Variants in RSRC1 observed in about 807,000 individuals in gnomAD.
RSRC1 encodes the protein serine/Arginine-related protein 53.
Under a neutral mutation model 49.1 loss-of-function variants are expected in RSRC1, and 39 were observed. The observed-to-expected ratio is 0.79, with a 90% CI of 0.61 to 1.04. The LOEUF is 1.04. Among genes scored for constraint, RSRC1 ranks in the 50% least tolerant of loss-of-function variants. The pLI is 0.00. For missense variants in RSRC1, 388 were observed against 402.4 expected, an observed-to-expected ratio of 0.96 and a Z score of 0.31; for synonymous variants, 143 against 130.8, an observed-to-expected ratio of 1.09 and a Z score of -0.63.
intron 4 of RSRC1, among the ~76,000 whole-genome samples, chr3:158,263,573 T>C (rs1725011221): frequency 6.6e-6 from 1 of 152,160 alleles, no homozygotes; most frequent in Non-Finnish European, 1.5e-5. Context: ...TTCAGTTTTT[T>C]GGAAGAGTGT....
chr3:158,302,975 T>G (rs984304972), intron 5 of RSRC1: 6 of 152,156 alleles, frequency 3.9e-5, no homozygotes, highest in African/African-American at 1.2e-4. Context: ...ACTCCATGTT[T>G]TTTCTTCCAT....
At position 158,316,438 on chromosome 3, in the gene RSRC1, A is replaced by ATTTTTTTTTTTTTTTTT. The variant is rs564633575; in HGVS notation, c.531+18373_531+18389dup. ...TAATCAGTCCACTGCAGAATCTCTC[A>ATTTTTTTTTTTTTTTTT]TTTTTTTTTTTTTTTTTTTTTTTTT... On this transcript the variant is annotated intron_variant, in intron 5 of 9. Transcript: ENST00000611884. 1.5e-3 allele frequency among the ~76,000 whole-genome samples: 109 copies of ATTTTTTTTTTTTTTTTT among 72,236 alleles called. 10 individuals carry two copies. Among genetic ancestry groups the ATTTTTTTTTTTTTTTTT allele is most frequent in the Non-Finnish European group, 1.8e-3 (75 of 42,350 alleles). 47.4% of individuals were successfully genotyped at this position (72,236 alleles called of 152,430 possible). A position where few individuals can be genotyped will look rare whatever the true frequency, so the allele number is the denominator to read the frequency against.
chr3:158,462,362 G>A (rs1352073486), intron 7 of RSRC1, among the ~76,000 whole-genome samples: 1 of 151,850 alleles, frequency 6.6e-6, no homozygotes, highest in Non-Finnish European at 1.5e-5. Flanking sequence ...ATGTTGTGTG[G>A]CATTCTGATC....
intron 6 of RSRC1, among the ~76,000 whole-genome samples, chr3:158,427,733 T>C (rs1735532636): frequency 6.6e-6 from 1 of 151,734 alleles, no homozygotes; most frequent in African/African-American, 2.4e-5. Flanking sequence ...TTATTCTGCT[T>C]TTTTGCATCT....
intron 5 of RSRC1, among the ~76,000 whole-genome samples, chr3:158,312,126 C>A (rs557801496): frequency 6.6e-6 from 1 of 150,642 alleles, no homozygotes; most frequent in Non-Finnish European, 1.5e-5. Context: ...AAAGCTGACA[C>A]GAGCAGAGAG....
At chr3:158,386,290 A>C (rs1048102910) in intron 6 of RSRC1, among the ~76,000 whole-genome samples, 7 of 152,128 alleles carry the variant, frequency 4.6e-5, no homozygotes, top group African/African-American at 1.7e-4. Flanking sequence ...ATTTATTAAG[A>C]AATTTAAATA....
intron 5 of RSRC1, among the ~76,000 whole-genome samples, chr3:158,298,276 CT>C (rs760704594): frequency 4.0e-5 from 6 of 151,518 alleles, no homozygotes; most frequent in Non-Finnish European, 5.9e-5. Context: ...TTTTAAATTA[CT>C]TTTTTTTGAT....
chr3:158,202,843 T>G (rs1721134854), intron 3 of RSRC1, among the ~76,000 whole-genome samples: 1 of 151,938 alleles, frequency 6.6e-6, no homozygotes. Flanking sequence ...GGCAAACACT[T>G]TTTAACTGCA....
intron 6 of RSRC1, among the ~76,000 whole-genome samples, chr3:158,388,110 G>GC (rs1473762414): frequency 6.6e-6 from 1 of 151,818 alleles, no homozygotes; most frequent in Non-Finnish European, 1.5e-5. Context: ...GTTGATCTTT[G>GC]TAAGACATTG....
chr3:158,398,735 C>T (rs924551215), intron 6 of RSRC1, among the ~76,000 whole-genome samples: 10 of 152,160 alleles, frequency 6.6e-5, no homozygotes, highest in East Asian at 1.9e-4. Context: ...ATTGTTACTA[C>T]GACCTAATTA....
Position 158,232,332 on chromosome 3 carries a change from C to T in RSRC1, c.494+29087C>T, listed in dbSNP as rs138233050. Among the ~76,000 whole-genome samples, 170 of 152,126 alleles carry T rather than the reference C, an allele frequency of 1.1e-3. 2 individuals carry two copies. The highest frequency in any genetic ancestry group is 4.0e-3 in the African/African-American group (165 of 41,522). ...TTTAAGTAAACTTAATACATTTTAT[C>T]GTATCTAACAAAAAGTAGTCCCATA... is the stretch of plus-strand genomic sequence containing the variant. On this transcript the variant is annotated intron_variant, in intron 4 of 9. Coordinates refer to ENST00000611884, the MANE Select transcript of RSRC1 (RefSeq NM_001271838.2).
At chr3:158,211,773 A>C (rs1400824867) in intron 4 of RSRC1, among the ~76,000 whole-genome samples, 1 of 151,984 alleles carries the variant, frequency 6.6e-6, no homozygotes, top group Non-Finnish European at 1.5e-5. Context: ...TATTAGAAGC[A>C]GTGTGTGTCA....
intron 7 of RSRC1, among the ~76,000 whole-genome samples, chr3:158,518,148 A>ATATATATATTTTTTT (rs1310027981): frequency 2.3e-5 from 1 of 44,134 alleles, no homozygotes; most frequent in African/African-American, 1.5e-4. Flanking sequence ...ATATATATAT[A>ATATATATATTTTTTT]TTTTTTTTTT....
intron 4 of RSRC1, among the ~76,000 whole-genome samples, chr3:158,236,748 G>A (rs962398986): frequency 2.0e-5 from 3 of 152,206 alleles, no homozygotes; most frequent in Non-Finnish European, 1.5e-5. Context: ...TAGAGATGTT[G>A]TATTTGGGAA....
intron 4 of RSRC1, among the ~76,000 whole-genome samples, chr3:158,296,319 G>GAC (rs999353243): frequency 6.0e-5 from 9 of 151,192 alleles, no homozygotes; most frequent in South Asian, 2.1e-4. Context: ...AAGGGAGAAA[G>GAC]ACACACACAC....
At chr3:158,470,703 G>A (rs1202499157) in intron 7 of RSRC1, among the ~76,000 whole-genome samples, 1 of 152,072 alleles carries the variant, frequency 6.6e-6, no homozygotes. Context: ...AATAGAGAAA[G>A]CTGAATTTAT....
chr3:158,191,110 C>A (rs1720216064), intron 3 of RSRC1, among the ~76,000 whole-genome samples: 1 of 151,842 alleles, frequency 6.6e-6, no homozygotes, highest in African/African-American at 2.4e-5. Flanking sequence ...AACTTCAGCA[C>A]CTTGTTTCCA....
At chr3:158,408,700 C>G (rs1001629220) in intron 6 of RSRC1, among the ~76,000 whole-genome samples, 1 of 152,088 alleles carries the variant, frequency 6.6e-6, no homozygotes, top group Non-Finnish European at 1.5e-5. Context: ...CAAACTAACA[C>G]AGGAACAGAA....
At position 158,492,530 on chromosome 3, in the gene RSRC1, C is replaced by G. The variant is rs1194090809; in HGVS notation, c.652+31527C>G. On this transcript the variant is annotated intron_variant, in intron 7 of 9. Transcript: ENST00000611884. ...AATTGTTCTAAACATCTTCTTCCCC[C>G]CAATATAGTCCAGAAATGGGCTGGG... Among the ~76,000 whole-genome samples, 5 of 152,256 alleles carry G rather than the reference C, an allele frequency of 3.3e-5. No individual in the cohort carries two copies. The East Asian group carries it at 9.6e-4, about 29-fold the overall frequency.
Sources: allele counts gnomAD v4.1 joint callset (sites outside exome capture counted in the v4.1 genomes callset), GRCh38; gene constraint gnomAD v4.1.1; transcripts MANE v1.5; gene names NCBI Gene and HGNC (gene_info 2026-07-23, HGNC 2026-07-21).